HSPA12A: variants seen among roughly 807,000 people sequenced by gnomAD.
The protein encoded by HSPA12A is heat shock protein family A (Hsp70) member 12A.
In HSPA12A, 28 loss-of-function variants were observed where a neutral mutation model predicts 69.2. The observed-to-expected ratio is 0.40, with a 90% CI of 0.30 to 0.55. The LOEUF (loss-of-function observed/expected upper bound fraction) is 0.55, where lower values mean the gene tolerates loss of function less well. HSPA12A is among the 20% of genes least tolerant of loss of function. HSPA12A has a pLI of 0.38. For synonymous variants in HSPA12A, 345 were observed against 370.5 expected (o/e 0.93, Z 0.79); for missense variants, 686 against 900.7 (o/e 0.76, Z 3.05).
At chr10:116,681,989 T>C in intron 7 of HSPA12A, 112 bp from the exon 8 acceptor site, 1 of 875,046 alleles carries the variant, frequency 1.1e-6, no homozygotes, top group Admixed American at 2.2e-5. Flanking sequence ...GGAACATTAG[T>C]GACATTTGAC....
chr10:116,681,294 G>C (rs1326927560), intron 8 of HSPA12A, 38 bp from the exon 9 acceptor site: 1 of 1,536,588 alleles, frequency 6.5e-7, no homozygotes, highest in Non-Finnish European at 9.0e-7. Context: ...CAGACTGTTT[G>C]CCAACCCCAT....
At chr10:116,733,552 G>T (rs1638419) in intron 1 of HSPA12A, among the ~76,000 whole-genome samples, 95,607 of 152,022 alleles carry the variant, frequency 0.63, 32,150 homozygotes, top group Middle Eastern at 0.86. Flanking sequence ...TGAGATCTTG[G>T]GTGCTAAGTG....
chr10:116,706,442 G>A (rs960177064), intron 2 of HSPA12A, among the ~76,000 whole-genome samples: 2 of 152,108 alleles, frequency 1.3e-5, no homozygotes, highest in South Asian at 4.1e-4. Context: ...GGAGTCCCCA[G>A]GGTGCAGGAC....
chr10:116,778,278 C>A (rs1227506013), intron 2 of HSPA12A, among the ~76,000 whole-genome samples: 2 of 152,180 alleles, frequency 1.3e-5, no homozygotes, highest in Non-Finnish European at 2.9e-5. Flanking sequence ...CATGAATGCA[C>A]TTAATTTTGC....
At chr10:116,702,355 A>C (rs1850104848) in intron 3 of HSPA12A, among the ~76,000 whole-genome samples, 1 of 152,058 alleles carries the variant, frequency 6.6e-6, no homozygotes, top group Non-Finnish European at 1.5e-5. Context: ...CAGGAGGGAA[A>C]ATGAGCCACT....
intron 1 of HSPA12A, among the ~76,000 whole-genome samples, chr10:116,848,661 C>T (rs1303150078): frequency 1.3e-5 from 2 of 152,110 alleles, no homozygotes; most frequent in Non-Finnish European, 2.9e-5. Flanking sequence ...TGATACCTGG[C>T]AGGTACAATG....
intron 2 of HSPA12A, among the ~76,000 whole-genome samples, chr10:116,784,582 G>C (rs1844535849): frequency 6.6e-6 from 1 of 152,200 alleles, no homozygotes; most frequent in Non-Finnish European, 1.5e-5. Flanking sequence ...ATGAGTGCAG[G>C]AATGAGTGAA....
chr10:116,791,875 T>G (rs1241415807), intron 2 of HSPA12A, among the ~76,000 whole-genome samples: 1 of 152,060 alleles, frequency 6.6e-6, no homozygotes, highest in African/African-American at 2.4e-5. Flanking sequence ...TTGGGTGTTC[T>G]CAAGCATCTA....
intron 2 of HSPA12A, among the ~76,000 whole-genome samples, chr10:116,822,571 A>G (rs1435409331): frequency 6.6e-6 from 1 of 152,194 alleles, no homozygotes; most frequent in African/African-American, 2.4e-5. Context: ...AATGGGGTTG[A>G]CATGAATTTG....
At chr10:116,746,607 T>C (rs1413340354), upstream of HSPA12A, among the ~76,000 whole-genome samples, 1 of 152,060 alleles carries the variant, frequency 6.6e-6, no homozygotes, top group East Asian at 1.9e-4. Context: ...CCAGTAATGA[T>C]AGGTATCATA....
In HSPA12A at chr10:116,773,296, C is replaced by A. The variant is rs1325127692; in HGVS notation, c.91+61639G>T. 3.3e-5 allele frequency among the ~76,000 whole-genome samples: 5 copies of A among 152,008 alleles called. 1 individual carries two copies. Among genetic ancestry groups the A allele is most frequent in the Admixed American group, 1.3e-4 (2 of 15,278 alleles). On this transcript the variant is annotated intron_variant, in intron 2 of 12. Transcript: ENST00000635765. ...TGAGCAAAGGCTTCAGTCCACTGAG[C>A]AGTACATGGTAGCACAGAAGAAGGC...
chr10:116,696,002 C>CA (rs71013609), intron 5 of HSPA12A, among the ~76,000 whole-genome samples: 2,839 of 32,450 alleles, frequency 0.087, 260 homozygotes, highest in East Asian at 0.39. Context: ...GACTCCATCT[C>CA]AAAAAAAAAA....
rs1379678836 is a variant in HSPA12A at position 116,675,504 on chromosome 10, G to A, written c.1391-86C>T. ...TGGGCTGCCTGCATCTGTGGGGAAC[G>A]GATAAAGCCACTTGGGCCACTGGGA... On this transcript the variant is annotated intron_variant, in intron 11 of 11. Coordinates refer to ENST00000369209, the MANE Select transcript of HSPA12A (RefSeq NM_025015.3). The surrounding 1 kb of genome is among the most constrained non-coding windows in gnomAD (Gnocchi z 5.2). The A allele has an allele frequency of 2.6e-5, 36 of 1,398,096 alleles. No individual in the cohort carries two copies. Among genetic ancestry groups the A allele is most frequent in the East Asian group, 1.3e-4 (5 of 39,826 alleles). The allele number at this position is 1,398,096 out of a possible 1,614,324, so 86.6% of individuals were successfully genotyped here.
chr10:116,837,253 G>A (rs934852011), intron 1 of HSPA12A, among the ~76,000 whole-genome samples: 5 of 152,124 alleles, frequency 3.3e-5, no homozygotes, highest in Admixed American at 2.0e-4. Context: ...ATTTTCCTCC[G>A]ACAGGTGAAA....
intron 2 of HSPA12A, among the ~76,000 whole-genome samples, chr10:116,779,344 G>T (rs1844411406): frequency 6.6e-6 from 1 of 152,164 alleles, no homozygotes; most frequent in Non-Finnish European, 1.5e-5. Flanking sequence ...AGGGCCAGTG[G>T]GGCCTGGGTG....
chr10:116,699,175 G>A (rs1303901708), intron 4 of HSPA12A, among the ~76,000 whole-genome samples: 1 of 152,192 alleles, frequency 6.6e-6, no homozygotes, highest in African/African-American at 2.4e-5. Context: ...CATCCACGAT[G>A]CTAAACAGAC....
At chr10:116,696,011 A>AAAAAAAAAAAAAAAAC in intron 5 of HSPA12A, among the ~76,000 whole-genome samples, 1 of 146,278 alleles carries the variant, frequency 6.8e-6, no homozygotes, top group East Asian at 2.0e-4. Flanking sequence ...TCAAAAAAAA[A>AAAAAAAAAAAAAAAAC]AAAAAAAAAA....
intron 6 of HSPA12A, among the ~76,000 whole-genome samples, chr10:116,691,340 T>C (rs1404033069): frequency 1.3e-5 from 2 of 152,148 alleles, no homozygotes; most frequent in African/African-American, 2.4e-5. Context: ...GAGGTTCCCA[T>C]GGCCATTCAA....
rs533839976 is a variant in HSPA12A at position 116,848,202 on chromosome 10, T to C, written c.3+1364A>G. ...ATGTGAAGGTAACACAGACTCAGAT[T>C]CTACCGTCAGGGGATTTCCATCTAG... On this transcript the variant is annotated intron_variant, in intron 1 of 12. Coordinates refer to the HSPA12A transcript ENST00000635765. Among the ~76,000 whole-genome samples, 133 of 152,326 alleles carry C rather than the reference T, an allele frequency of 8.7e-4. 2 individuals are homozygous for C. The South Asian group carries it at 0.027, about 30-fold the overall frequency.
Sources: gnomAD v4.1 joint callset for allele counts (sites outside exome capture counted in the v4.1 genomes callset) on GRCh38, gnomAD v4.1.1 for gene constraint, Gnocchi (gnomAD v3.1) non-coding constraint, MANE v1.5 for transcripts, NCBI Gene and HGNC (gene_info 2026-07-23, HGNC 2026-07-21) for gene names.